Variants in RASGRF2 observed in about 807,000 individuals in gnomAD.
RASGRF2 encodes Ras protein specific guanine nucleotide releasing factor 2, also known as ras-specific guanine nucleotide-releasing factor 2.
RASGRF2 carries 76 observed loss-of-function variants against 151.0 expected under a neutral mutation model. The observed-to-expected ratio is 0.50, with a 90% CI of 0.42 to 0.61. The LOEUF (loss-of-function observed/expected upper bound fraction) is 0.61, where lower values mean the gene tolerates loss of function less well. Among genes scored for constraint, RASGRF2 ranks in the 20% least tolerant of loss-of-function variants. The pLI is 0.00. For missense variants in RASGRF2, 1,148 were observed against 1,564.6 expected (o/e 0.73, Z 4.49); for synonymous variants, 504 against 566.5 (o/e 0.89, Z 1.57).
chr5:80,977,117 T>C (rs1748143372), intron 1 of RASGRF2, among the ~76,000 whole-genome samples: 1 of 152,194 alleles, frequency 6.6e-6, no homozygotes, highest in African/African-American at 2.4e-5. Context: ...TTTCCTCCCA[T>C]GAACATGAGT....
chr5:81,109,855 A>C (rs1580323642), intron 13 of RASGRF2, among the ~76,000 whole-genome samples: 1 of 152,194 alleles, frequency 6.6e-6, no homozygotes, highest in African/African-American at 2.4e-5. Flanking sequence ...ATGAACTGGA[A>C]TTGTTCTCCT....
At chr5:81,202,499 T>G (rs754087186) in intron 19 of RASGRF2, among the ~76,000 whole-genome samples, 2 of 152,218 alleles carry the variant, frequency 1.3e-5, no homozygotes, top group Non-Finnish European at 2.9e-5. Flanking sequence ...GGCCTGTAAG[T>G]CTTTCTTAGC....
Position 81,042,936 on chromosome 5 carries a change from G to A in RASGRF2, c.348G>A (p.Glu116=), listed in dbSNP as rs1416436963. Residue 116 remains glutamate, a synonymous_variant, in exon 2 of 27, where the codon GAG becomes GAA. Transcript: ENST00000265080. ...AGAAGCCACTGGAGCTGCGCTGTGA[G>A]GAGGAGCAGGATGGTAAAGAGTGGA... ...EGQKPLELRC[E]EEQDGKEWME... The A allele has an allele frequency of 6.2e-7, 1 of 1,613,046 alleles. No individual in the cohort carries two copies. The highest frequency in any genetic ancestry group is 8.5e-7 in the Non-Finnish European group (1 of 1,179,654).
intron 2 of RASGRF2, among the ~76,000 whole-genome samples, chr5:81,061,695 C>T (rs1404711784): frequency 1.3e-5 from 2 of 151,246 alleles, no homozygotes; most frequent in Non-Finnish European, 3.0e-5. Context: ...TTCCTTCTTT[C>T]CTTCCTTTCT....
chr5:81,098,662 T>C (rs1580311843), intron 12 of RASGRF2, among the ~76,000 whole-genome samples: 1 of 152,304 alleles, frequency 6.6e-6, no homozygotes, highest in Admixed American at 6.5e-5. Flanking sequence ...TGTTCTAGTA[T>C]ACTTAGTGAT....
At chr5:80,999,934 C>G (rs1466766920) in intron 1 of RASGRF2, among the ~76,000 whole-genome samples, 1 of 152,176 alleles carries the variant, frequency 6.6e-6, no homozygotes, top group Non-Finnish European at 1.5e-5. Flanking sequence ...TTATTATGTT[C>G]ACAGATTCTG....
chr5:81,178,129 C>A (rs1234140045), intron 17 of RASGRF2, among the ~76,000 whole-genome samples: 3 of 152,158 alleles, frequency 2.0e-5, no homozygotes, highest in African/African-American at 7.2e-5. Context: ...CAGTAGAGAC[C>A]AGCTGGGAGG....
chr5:81,054,947 G>T (rs1751145609), intron 2 of RASGRF2, among the ~76,000 whole-genome samples: 2 of 152,242 alleles, frequency 1.3e-5, no homozygotes. Flanking sequence ...TGGTGTATAG[G>T]AATGCTTGTG....
At chr5:81,222,980 C>G (rs56206535) in intron 26 of RASGRF2, among the ~76,000 whole-genome samples, 2 of 152,012 alleles carry the variant, frequency 1.3e-5, no homozygotes. Flanking sequence ...TGGCAATAAG[C>G]AATTCAAATG....
chr5:81,034,567 A>G (rs1750397498), intron 1 of RASGRF2, among the ~76,000 whole-genome samples: 1 of 151,918 alleles, frequency 6.6e-6, no homozygotes, highest in South Asian at 2.1e-4. Flanking sequence ...CAAGAATGAT[A>G]GACTGGATTA....
intron 18 of RASGRF2, among the ~76,000 whole-genome samples, chr5:81,185,998 A>G (rs41535752): frequency 0.029 from 4,484 of 152,258 alleles, 220 homozygotes; most frequent in African/African-American, 0.1. Flanking sequence ...TGATTCCGTT[A>G]TTACTTATGA....
intron 17 of RASGRF2, among the ~76,000 whole-genome samples, chr5:81,128,486 C>A (rs552752691): frequency 6.6e-6 from 1 of 152,318 alleles, no homozygotes; most frequent in Admixed American, 6.5e-5. Flanking sequence ...CTGAGAAACT[C>A]TTTATCAGAG....
intron 1 of RASGRF2, among the ~76,000 whole-genome samples, chr5:81,028,027 T>G (rs1057513646): frequency 6.6e-6 from 1 of 152,002 alleles, no homozygotes; most frequent in Admixed American, 6.6e-5. Flanking sequence ...AACATCACCA[T>G]GGAGTGGGGG....
chr5:81,201,488 T>C lies in RASGRF2; in HGVS notation c.2906+46T>C, dbSNP rs369854246. On this transcript the variant is annotated intron_variant, in intron 19 of 26. Coordinates refer to ENST00000265080, the MANE Select transcript of RASGRF2 (RefSeq NM_006909.3). ...CGACTGGATGACATTGGTTGATTCC[T>C]GCTATGTTCATAGAAAATAAGAGCC... The C allele has an allele frequency of 3.6e-5, 56 of 1,565,826 alleles. No individual in the cohort carries two copies. The African/African-American group carries it at 6.6e-4, about 18-fold the overall frequency.
intron 1 of RASGRF2, among the ~76,000 whole-genome samples, chr5:80,991,638 A>C (rs1254200248): frequency 6.6e-6 from 1 of 152,160 alleles, no homozygotes; most frequent in Non-Finnish European, 1.5e-5. Context: ...TGTTTGCTTT[A>C]ATATCAATGA....
intron 2 of RASGRF2, among the ~76,000 whole-genome samples, chr5:81,060,225 G>A (rs1751384534): frequency 6.6e-6 from 1 of 152,166 alleles, no homozygotes; most frequent in African/African-American, 2.4e-5. Flanking sequence ...AGATTTGGGT[G>A]TGACACAGAT....
At chr5:81,060,975 C>A (rs1290766505) in intron 2 of RASGRF2, among the ~76,000 whole-genome samples, 2 of 151,994 alleles carry the variant, frequency 1.3e-5, no homozygotes, top group Non-Finnish European at 2.9e-5. Context: ...TCTGTGTATA[C>A]ACTTAATTTT....
chr5:81,118,857 A>G (rs1753230083), intron 15 of RASGRF2, among the ~76,000 whole-genome samples: 1 of 152,244 alleles, frequency 6.6e-6, no homozygotes, highest in African/African-American at 2.4e-5. Context: ...GCCCTTGGGC[A>G]TAAACACAAT....
intron 1 of RASGRF2, among the ~76,000 whole-genome samples, chr5:81,034,806 G>GGC (rs1255368783): frequency 1.6e-5 from 2 of 127,756 alleles, no homozygotes; most frequent in South Asian, 3.1e-4. Flanking sequence ...TTGTGGGGTG[G>GGC]GAGGGGGGTA....
Sources: allele counts gnomAD v4.1 joint callset (sites outside exome capture counted in the v4.1 genomes callset), GRCh38; gene constraint gnomAD v4.1.1; transcripts MANE v1.5; gene names NCBI Gene and HGNC (gene_info 2026-07-23, HGNC 2026-07-21).